Variants in UBE3D observed in about 807,000 individuals in gnomAD.
UBE3D encodes the protein E3 ubiquitin-protein ligase E3D.
UBE3D carries 48 observed loss-of-function variants against 49.6 expected under a neutral mutation model. The observed-to-expected ratio is 0.97, with a 90% CI of 0.77 to 1.23. The LOEUF (loss-of-function observed/expected upper bound fraction) is 1.23. Ranked by LOEUF, UBE3D falls within the 50% of genes most tolerant of loss-of-function variation. UBE3D has a pLI of 0.00. For missense variants in UBE3D, 452 were observed against 468.4 expected (o/e 0.96, Z 0.32); for synonymous variants, 189 against 174.2 (o/e 1.08, Z -0.67).
At chr6:83,057,682 C>T (rs572734870) in intron 2 of UBE3D, 144 bp downstream of exon 2, 8 of 731,298 alleles carry the variant, frequency 1.1e-5, no homozygotes, top group African/African-American at 1.1e-4. Context: ...CAATTGCATA[C>T]AGCCAATAAC....
intron 3 of UBE3D, among the ~76,000 whole-genome samples, chr6:83,050,820 T>TA (rs1233280677): frequency 1.4e-5 from 2 of 146,970 alleles, no homozygotes; most frequent in Non-Finnish European, 3.1e-5. Context: ...TTGAGTCATT[T>TA]ACTAAGGATT....
intron 9 of UBE3D, among the ~76,000 whole-genome samples, chr6:82,928,246 C>T (rs1187929406): frequency 2.0e-5 from 3 of 151,864 alleles, no homozygotes; most frequent in South Asian, 2.1e-4. Context: ...AAATGGATCC[C>T]GGGAACCGCA....
chr6:82,932,084 T>C (rs778274356), intron 9 of UBE3D, among the ~76,000 whole-genome samples: 3 of 152,166 alleles, frequency 2.0e-5, no homozygotes, highest in Non-Finnish European at 2.9e-5. Context: ...CCATGTGACA[T>C]GTGTTCACTT....
chr6:83,011,029 C>T (rs976368985), intron 8 of UBE3D, among the ~76,000 whole-genome samples: 3 of 152,118 alleles, frequency 2.0e-5, no homozygotes, highest in African/African-American at 7.2e-5. Context: ...CATACATAAT[C>T]TTCAAATAAA....
In UBE3D at chr6:82,945,612, T is replaced by C. The variant is rs561501656; in HGVS notation, c.1149+11700A>G. On this transcript the variant is annotated intron_variant, in intron 9 of 9. Transcript: ENST00000369747. ...ATCCATGCCCAGATACTGACAAGCA[T>C]CAATAAACATGAAGACCATCCAGAA... Among the ~76,000 whole-genome samples, 19 of 152,218 alleles carry C rather than the reference T, an allele frequency of 1.2e-4. 1 individual carries two copies. Among genetic ancestry groups the C allele is most frequent in the Middle Eastern group, 3.4e-3 (1 of 294 alleles).
intron 9 of UBE3D, among the ~76,000 whole-genome samples, chr6:82,956,320 AG>A (rs1237706394): frequency 2.0e-5 from 3 of 152,236 alleles, no homozygotes; most frequent in South Asian, 4.1e-4. Flanking sequence ...AATTACATAT[AG>A]TAGTGATAGG....
rs1781350503 is a variant in UBE3D at position 83,024,897 on chromosome 6, C to T, written c.668-859G>A. Reference sequence around the variant, plus strand: ...GAGGGCATCTGTCCTCTCCTTCATTCAAGGGGTCCTGGGCCTACAAAGGCT... The same window carrying T: ...GAGGGCATCTGTCCTCTCCTTCATTTAAGGGGTCCTGGGCCTACAAAGGCT... On this transcript the variant is annotated intron_variant, in intron 5 of 9. Transcript: ENST00000369747. Among the ~76,000 whole-genome samples, 2 of 152,164 alleles carry T rather than the reference C, an allele frequency of 1.3e-5. 1 individual carries two copies. Among genetic ancestry groups the T allele is most frequent in the South Asian group, 4.2e-4 (2 of 4,816 alleles).
At chr6:82,944,474 C>G (rs1421813291) in intron 9 of UBE3D, among the ~76,000 whole-genome samples, 1 of 152,200 alleles carries the variant, frequency 6.6e-6, no homozygotes, top group African/African-American at 2.4e-5. Flanking sequence ...AGGTAGTGAG[C>G]TGTGGGCCTT....
At chr6:83,004,562 G>A (rs181981590) in intron 8 of UBE3D, among the ~76,000 whole-genome samples, 1 of 152,138 alleles carries the variant, frequency 6.6e-6, no homozygotes, top group Non-Finnish European at 1.5e-5. Flanking sequence ...ACTCCTAAGT[G>A]GGAAGTGGAA....
At chr6:82,977,215 C>T (rs1777796027) in intron 8 of UBE3D, among the ~76,000 whole-genome samples, 1 of 149,934 alleles carries the variant, frequency 6.7e-6, no homozygotes, top group Non-Finnish European at 1.5e-5. Flanking sequence ...CTTTTGATCA[C>T]TTTATAAATG....
At position 83,050,120 on chromosome 6, in the gene UBE3D, C is replaced by T. The variant is rs77329595; in HGVS notation, c.365+4028G>A. On this transcript the variant is annotated intron_variant, in intron 3 of 9. Transcript: ENST00000369747. The stretch of plus-strand genomic sequence containing the variant: ...CATGTGACCTTAAATTAAGAAAAAA[C>T]ATTGCTATAATTAGCAGATATCATG... 4.5e-3 allele frequency among the ~76,000 whole-genome samples: 685 copies of T among 151,990 alleles called. 6 individuals carry two copies. Among genetic ancestry groups the T allele is most frequent in the African/African-American group, 0.016 (647 of 41,476 alleles).
Position 83,018,995 on chromosome 6 carries a change from A to T in UBE3D, c.988T>A (p.Cys330Ser). ...WSAVKVLYQP[C>S]IKSRNEKLVS... ...TACTTTTCATTCCTGCTTTTGATGCATGGCTGGTAGAGGACCTTGACAGCA... is the reference window on the plus strand; with the variant it reads ...TACTTTTCATTCCTGCTTTTGATGCTTGGCTGGTAGAGGACCTTGACAGCA... The change falls in exon 8 of 10, where the codon TGC (cysteine) becomes AGC (serine). Residue 330 changes from cysteine to serine, a missense_variant. By Grantham distance (112) the Cys-to-Ser change is moderately radical. Transcript: ENST00000369747. The T allele has an allele frequency of 6.2e-7, 1 of 1,612,964 alleles. No individual in the cohort carries two copies. Among genetic ancestry groups the T allele is most frequent in the Non-Finnish European group, 8.5e-7 (1 of 1,179,616 alleles).
intron 2 of UBE3D, among the ~76,000 whole-genome samples, chr6:83,056,996 A>T (rs1029249190): frequency 6.6e-6 from 1 of 152,252 alleles, no homozygotes; most frequent in Middle Eastern, 3.2e-3. Context: ...TATACAATAA[A>T]TAACCCTGAG....
chr6:83,020,982 A>G (rs1781051589), intron 7 of UBE3D, among the ~76,000 whole-genome samples: 1 of 152,212 alleles, frequency 6.6e-6, no homozygotes, highest in Non-Finnish European at 1.5e-5. Context: ...ATCCAGATAA[A>G]TGCTCAAAAT....
At chr6:82,940,069 G>C (rs140039073) in intron 9 of UBE3D, among the ~76,000 whole-genome samples, 1 of 152,076 alleles carries the variant, frequency 6.6e-6, no homozygotes, top group Non-Finnish European at 1.5e-5. Context: ...GTAGGGAATC[G>C]GCCTTTTGAA....
chr6:82,892,132 C>A (rs1180528535), downstream of UBE3D, among the ~76,000 whole-genome samples: 12 of 152,206 alleles, frequency 7.9e-5, no homozygotes, highest in Non-Finnish European at 1.5e-4. Flanking sequence ...TTTGCAAATC[C>A]ACAGACTGTC....
intron 7 of UBE3D, among the ~76,000 whole-genome samples, 189 bp downstream of exon 7, chr6:83,022,264 T>A (rs1212880278): frequency 1.3e-5 from 2 of 152,168 alleles, no homozygotes; most frequent in Non-Finnish European, 2.9e-5. Flanking sequence ...TGACCTCAAG[T>A]GATCCACCCA....
intron 9 of UBE3D, among the ~76,000 whole-genome samples, chr6:82,918,373 C>G (rs981609049): frequency 6.6e-5 from 10 of 151,874 alleles, no homozygotes; most frequent in Admixed American, 2.6e-4. Context: ...GCTTTTCATG[C>G]TCTTCATATG....
intron 8 of UBE3D, among the ~76,000 whole-genome samples, chr6:82,959,259 A>C (rs1434977606): frequency 6.6e-6 from 1 of 150,578 alleles, no homozygotes; most frequent in Non-Finnish European, 1.5e-5. Context: ...AAATCTGTAG[A>C]GCATAAGTCT....
Sources: gnomAD v4.1 joint callset for allele counts (sites outside exome capture counted in the v4.1 genomes callset) on GRCh38, gnomAD v4.1.1 for gene constraint, MANE v1.5 for transcripts, NCBI Gene and HGNC (gene_info 2026-07-23, HGNC 2026-07-21) for gene names.